Variants in PTPRM observed in about 807,000 individuals in gnomAD.
The protein encoded by PTPRM is protein tyrosine phosphatase receptor type M, also known as receptor-type tyrosine-protein phosphatase mu.
A neutral mutation model predicts 186.7 loss-of-function variants in PTPRM; 47 were observed. The ratio of observed to expected loss-of-function variants is 0.25; its 90% confidence interval spans 0.20 to 0.32. The LOEUF (loss-of-function observed/expected upper bound fraction) is 0.32. PTPRM is among the 10% of genes least tolerant of loss of function. PTPRM has a pLI of 1.00. For synonymous variants in PTPRM, 668 were observed against 674.9 expected (o/e 0.99, Z 0.16); for missense variants, 1,494 against 1,865.0 (o/e 0.80, Z 3.66).
chr18:7,568,607 C>A lies in PTPRM; in HGVS notation c.73+716C>A, dbSNP rs1311894940. Among the ~76,000 whole-genome samples, 1 of 152,208 alleles carries A rather than the reference C, an allele frequency of 6.6e-6. No homozygotes were observed. The highest frequency in any genetic ancestry group is 1.5e-5 in the Non-Finnish European group (1 of 68,028). On this transcript the variant is annotated intron_variant, in intron 1 of 32. Transcript: ENST00000580170. The surrounding 1 kb of genome is among the most constrained non-coding windows in gnomAD (Gnocchi z 5.1). ...TGGGCTCCCCCTCCCCACCCTCGTC[C>A]CCCTAGCGGAGCGCCGCGGCCAGCT...
intron 7 of PTPRM, among the ~76,000 whole-genome samples, chr18:8,006,074 C>G (rs1456315044): frequency 6.6e-6 from 1 of 152,144 alleles, no homozygotes; most frequent in African/African-American, 2.4e-5. Flanking sequence ...GAGGGTTTGT[C>G]GGAGCATATG....
intron 3 of PTPRM, among the ~76,000 whole-genome samples, chr18:7,900,319 CTTCT>C (rs1474621057): frequency 1.3e-5 from 2 of 152,136 alleles, no homozygotes; most frequent in Non-Finnish European, 2.9e-5. Context: ...ACAAAATATT[CTTCT>C]TTCTGTTTTC....
intron 1 of PTPRM, among the ~76,000 whole-genome samples, chr18:7,676,972 G>C (rs1168064523): frequency 6.6e-6 from 1 of 152,162 alleles, no homozygotes; most frequent in South Asian, 2.1e-4. Context: ...GCCAAGACTA[G>C]GTCCAGCGAT....
intron 13 of PTPRM, 90 bp from the exon 14 acceptor site, chr18:8,143,557 T>C: frequency 7.3e-7 from 1 of 1,376,576 alleles, no homozygotes; most frequent in South Asian, 1.3e-5. Context: ...GTCTTATTAC[T>C]CTGTTAAATG....
chr18:7,712,264 G>A (rs1376648695), intron 1 of PTPRM, among the ~76,000 whole-genome samples: 1 of 152,178 alleles, frequency 6.6e-6, no homozygotes, highest in African/African-American at 2.4e-5. Context: ...CTGCAGCAGA[G>A]GGGCCTGATT....
At chr18:8,090,669 C>G (rs1003695456) in intron 11 of PTPRM, among the ~76,000 whole-genome samples, 1 of 152,168 alleles carries the variant, frequency 6.6e-6, no homozygotes, top group African/African-American at 2.4e-5. Flanking sequence ...TATCTCAGCT[C>G]ACTGCAGCCT....
At chr18:7,709,049 T>G (rs572108696) in intron 1 of PTPRM, among the ~76,000 whole-genome samples, 126 of 152,316 alleles carry the variant, frequency 8.3e-4, no homozygotes, top group African/African-American at 2.9e-3. Flanking sequence ...CTCCTGCTGC[T>G]GCTTCTACTT....
At chr18:7,992,387 T>C (rs1403779382) in intron 7 of PTPRM, among the ~76,000 whole-genome samples, 1 of 152,202 alleles carries the variant, frequency 6.6e-6, no homozygotes, top group East Asian at 1.9e-4. Flanking sequence ...CAAAGCATTG[T>C]TGTTTCACTC....
chr18:7,907,680 C>G (rs1362056330), intron 4 of PTPRM, among the ~76,000 whole-genome samples: 1 of 152,036 alleles, frequency 6.6e-6, no homozygotes, highest in Non-Finnish European at 1.5e-5. Flanking sequence ...TTGGCTTTTC[C>G]CACTCTGTCA....
intron 2 of PTPRM, among the ~76,000 whole-genome samples, chr18:7,855,216 G>A (rs528726369): frequency 6.6e-6 from 1 of 152,188 alleles, no homozygotes; most frequent in Admixed American, 6.5e-5. Context: ...TGTGCAGGGG[G>A]GTATCCACTT....
chr18:7,888,382 G>A lies in PTPRM; in HGVS notation c.468+5G>A, dbSNP rs752569338. On this transcript the variant is annotated splice_donor_5th_base_variant and intron_variant, in intron 3 of 32. Coordinates refer to ENST00000580170, the MANE Select transcript of PTPRM (RefSeq NM_001105244.2). ...TTCTGGCCTAACTTTTATCAGGTATGTGCTTTCTTTTTATTACATATTTTG... is the reference window on the plus strand; with the variant it reads ...TTCTGGCCTAACTTTTATCAGGTATATGCTTTCTTTTTATTACATATTTTG... 3 of 1,568,416 alleles carry A rather than the reference G, an allele frequency of 1.9e-6. No homozygotes were observed. In the African/African-American group the frequency reaches 4.1e-5, roughly 22 times the overall value.
At chr18:8,310,754 T>C (rs917877122) in intron 20 of PTPRM, among the ~76,000 whole-genome samples, 4 of 152,106 alleles carry the variant, frequency 2.6e-5, no homozygotes, top group African/African-American at 9.7e-5. Context: ...TTGCCTTAAG[T>C]CCCATGAACT....
intron 23 of PTPRM, among the ~76,000 whole-genome samples, chr18:8,368,300 T>A (rs777839285): frequency 6.6e-6 from 1 of 151,872 alleles, no homozygotes; most frequent in African/African-American, 2.4e-5. Flanking sequence ...TCCACAAATA[T>A]ACATGATCTG....
chr18:8,268,148 G>T (rs1440347571), intron 19 of PTPRM, among the ~76,000 whole-genome samples: 1 of 152,042 alleles, frequency 6.6e-6, no homozygotes, highest in East Asian at 1.9e-4. Flanking sequence ...AAATTGCATG[G>T]GATGCATTTA....
intron 14 of PTPRM, among the ~76,000 whole-genome samples, chr18:8,211,606 T>C (rs1387797315): frequency 6.6e-6 from 1 of 151,824 alleles, no homozygotes; most frequent in African/African-American, 2.4e-5. Context: ...GGTTTCACCA[T>C]GTTAGCCAGG....
chr18:8,172,652 A>T (rs1208539562), intron 14 of PTPRM, among the ~76,000 whole-genome samples: 1 of 151,526 alleles, frequency 6.6e-6, no homozygotes, highest in Admixed American at 6.6e-5. Context: ...TTGTGTCCTA[A>T]TTGTGAGGAA....
rs146357726 is a variant in PTPRM at position 7,751,890 on chromosome 18, C to T, written c.74-22259C>T. Among the ~76,000 whole-genome samples, 1,232 of 152,262 alleles carry T rather than the reference C, an allele frequency of 8.1e-3. 13 individuals are homozygous for T. The highest frequency in any genetic ancestry group is 0.013 in the Non-Finnish European group (887 of 68,014). The stretch of plus-strand genomic sequence containing the variant: ...TAGAAAATGCTTTCTCAATTTTTGT[C>T]GTTTCTTTTACAGTTAGTAAATAAT... On this transcript the variant is annotated intron_variant, in intron 1 of 32. Coordinates refer to ENST00000580170, the MANE Select transcript of PTPRM (RefSeq NM_001105244.2).
At chr18:7,695,506 C>T (rs1026205205) in intron 1 of PTPRM, among the ~76,000 whole-genome samples, 1 of 152,204 alleles carries the variant, frequency 6.6e-6, no homozygotes, top group African/African-American at 2.4e-5. Flanking sequence ...TGCATTCAGC[C>T]ACACATGCTA....
intron 1 of PTPRM, among the ~76,000 whole-genome samples, chr18:7,653,731 T>C (rs1052490002): frequency 2.0e-5 from 3 of 152,192 alleles, no homozygotes; most frequent in Non-Finnish European, 4.4e-5. Flanking sequence ...TGGGCATTTA[T>C]GTTGATTCCA....
Sources: allele counts gnomAD v4.1 joint callset (sites outside exome capture counted in the v4.1 genomes callset), GRCh38; gene constraint gnomAD v4.1.1; non-coding constraint Gnocchi (gnomAD v3.1); transcripts MANE v1.5; gene names NCBI Gene and HGNC (gene_info 2026-07-23, HGNC 2026-07-21).